Variants in DOT1L observed in about 807,000 individuals in gnomAD.
DOT1L encodes DOT1 like histone lysine methyltransferase, also known as histone-lysine N-methyltransferase, H3 lysine-79 specific.
DOT1L carries 33 observed loss-of-function variants against 153.3 expected under a neutral mutation model. The observed-to-expected ratio is 0.22, with a 90% CI of 0.16 to 0.29. The LOEUF is 0.29. DOT1L is among the 10% of genes least tolerant of loss of function. DOT1L has a pLI of 1.00. For missense variants in DOT1L, 1,847 were observed against 2,119.9 expected, an observed-to-expected ratio of 0.87 and a Z score of 2.53; for synonymous variants, 1,135 against 965.1, an observed-to-expected ratio of 1.18 and a Z score of -3.26.
chr19:2,192,686 A>G (rs1340013861), intron 5 of DOT1L, among the ~76,000 whole-genome samples: 1 of 151,678 alleles, frequency 6.6e-6, no homozygotes, highest in Admixed American at 6.6e-5. Flanking sequence ...AAAAAAAAAA[A>G]AAAAAATGGG....
intron 27 of DOT1L, chr19:2,228,213 C>T: frequency 1.5e-6 from 2 of 1,364,132 alleles, no homozygotes; most frequent in Non-Finnish European, 2.0e-6. Context: ...CCACCAGCCC[C>T]TGCCCCGGCT....
In DOT1L at chr19:2,216,749, A is replaced by G; in HGVS notation, c.2392A>G (p.Ser798Gly). The change falls in exon 20 of 28, where the codon AGT becomes GGT. Residue 798 changes from serine to glycine, a missense_variant. Ser to Gly is a moderately conservative substitution (Grantham distance 56). Transcript: ENST00000398665. ...DHTVPGRPAA[S>G]ELHSRAEHTK... is the part of the protein sequence containing the mutation. ...CACGGTGCCCGGCAGGCCGGCTGCCAGTGAGCTGCATTCGAGGTGAGTGCC... is the reference window on the plus strand; with the variant it reads ...CACGGTGCCCGGCAGGCCGGCTGCCGGTGAGCTGCATTCGAGGTGAGTGCC... 1.3e-6 allele frequency: 2 copies of G among 1,593,366 alleles called. No homozygotes were observed. Among genetic ancestry groups the G allele is most frequent in the African/African-American group, 1.3e-5 (1 of 74,926 alleles).
At chr19:2,170,391 C>G (rs2021548816) in intron 1 of DOT1L, among the ~76,000 whole-genome samples, 1 of 152,130 alleles carries the variant, frequency 6.6e-6, no homozygotes, top group Non-Finnish European at 1.5e-5. Context: ...CTGCTTGGAG[C>G]TGTTTTTATC....
Position 2,229,999 on chromosome 19 carries a change from A to G in DOT1L, c.*207A>G. 1.3e-6 allele frequency: 1 copy of G among 761,484 alleles called. No individual in the cohort carries two copies. Among genetic ancestry groups the G allele is most frequent in the Non-Finnish European group, 2.1e-6 (1 of 485,064 alleles). 47.2% of individuals were successfully genotyped at this position (761,484 alleles called of 1,614,324 possible). ...GTCGATAGTTTTAGATAAAGTATTT[A>G]TCATTTTTTAAAAAGTATAAACAAT... is the stretch of plus-strand genomic sequence containing the variant. On this transcript the variant is annotated 3_prime_UTR_variant, in exon 28 of 28. Coordinates refer to ENST00000398665, the MANE Select transcript of DOT1L (RefSeq NM_032482.3).
chr19:2,229,582 C>T, intron 27 of DOT1L: 1 of 985,482 alleles, frequency 1.0e-6, no homozygotes, highest in Non-Finnish European at 1.2e-6. Flanking sequence ...CCGGCGTGTC[C>T]AGGTGTCAGG....
Position 2,176,830 on chromosome 19 carries a change from C to T in DOT1L, c.82-3883C>T, listed in dbSNP as rs529453603. Among the ~76,000 whole-genome samples the T allele has an allele frequency of 1.6e-4, 24 of 152,278 alleles. 1 individual carries two copies. In the South Asian group the frequency reaches 1.9e-3, roughly 12 times the overall value. ...TCTGTCAGATGATCACTGGGGAAGA[C>T]GCTATGGACAGACAGGAACTTCTGG... On this transcript the variant is annotated intron_variant, in intron 1 of 27. Coordinates refer to ENST00000398665, the MANE Select transcript of DOT1L (RefSeq NM_032482.3).
chr19:2,175,051 T>G (rs1229040893), intron 1 of DOT1L, among the ~76,000 whole-genome samples: 1 of 150,436 alleles, frequency 6.6e-6, no homozygotes, highest in Non-Finnish European at 1.5e-5. Context: ...CAGGCTGGAG[T>G]GCAGTGGCGC....
chr19:2,219,525 G>C (rs149441670), intron 22 of DOT1L, among the ~76,000 whole-genome samples: 2 of 152,180 alleles, frequency 1.3e-5, no homozygotes, highest in Admixed American at 6.5e-5. Flanking sequence ...GATGGACCCC[G>C]GCTTGATTCC....
rs2144743194 is a variant in DOT1L, at chr19:2,191,319, AAG to A, written c.493+82_493+83del. On this transcript the variant is annotated intron_variant, in intron 5 of 27. Transcript: ENST00000398665. This position sits in a 1 kb window ranked among gnomAD's most constrained non-coding sequence, Gnocchi z 6.8. ...GTGCCTGCCCCATGCCTGCTTGGAG[AAG>A]AGTTTATCAGGGACTTGCGACGTTG... is the stretch of plus-strand genomic sequence containing the variant. 1 of 1,458,376 alleles carries A rather than the reference AAG, an allele frequency of 6.9e-7. No individual in the cohort carries two copies. Among genetic ancestry groups the A allele is most frequent in the East Asian group, 2.3e-5 (1 of 43,980 alleles). 90.3% of individuals were successfully genotyped at this position (1,458,376 alleles called of 1,614,324 possible).
At chr19:2,229,174 C>T in intron 27 of DOT1L, 5 of 985,448 alleles carry the variant, frequency 5.1e-6, no homozygotes, top group South Asian at 4.7e-5. Context: ...TGATGTGAGG[C>T]CTTCAGGGAA....
intron 16 of DOT1L, 120 bp downstream of exon 16, chr19:2,211,962 C>G: frequency 1.2e-6 from 1 of 850,794 alleles, no homozygotes; most frequent in Non-Finnish European, 1.8e-6. Context: ...GCTCCCTCCT[C>G]TGCTCACCTG....
chr19:2,199,063 C>T (rs1030694959), intron 7 of DOT1L, among the ~76,000 whole-genome samples: 1 of 152,212 alleles, frequency 6.6e-6, no homozygotes, highest in Non-Finnish European at 1.5e-5. Flanking sequence ...TTTATTTCTC[C>T]TGGGAATGGA....
intron 2 of DOT1L, 70 bp from the exon 3 acceptor site, chr19:2,185,781 AAAAC>A (rs950401129): frequency 1.2e-5 from 18 of 1,552,658 alleles, no homozygotes; most frequent in African/African-American, 2.7e-5. Flanking sequence ...AACAAAAACA[AAAAC>A]AAAAACAAAA....
intron 8 of DOT1L, among the ~76,000 whole-genome samples, chr19:2,200,820 TCTCGTCCTCCCCGCATTC>T (rs1213698806): frequency 3.7e-5 from 1 of 27,156 alleles, no homozygotes; most frequent in Non-Finnish European, 7.3e-5. Context: ...TCCCCACGCC[TCTCGTCCTCCCCGCATTC>T]CTCGTCCTCC....
intron 26 of DOT1L, 26 bp downstream of exon 26, chr19:2,225,478 G>C (rs780018817): frequency 3.8e-5 from 62 of 1,612,674 alleles, no homozygotes; most frequent in Non-Finnish European, 5.3e-5. Context: ...TTTGCGGCGT[G>C]GCCAGGCCTG....
chr19:2,225,491 C>G (rs369411182), intron 26 of DOT1L, 39 bp downstream of exon 26: 1 of 1,602,822 alleles, frequency 6.2e-7, no homozygotes, highest in African/African-American at 1.3e-5. Context: ...CAGGCCTGTC[C>G]GTGTGGCCGT....
chr19:2,191,231 T>C lies in DOT1L; in HGVS notation c.484T>C (p.Leu162=). The C allele has an allele frequency of 6.2e-7, 1 of 1,613,684 alleles. No homozygotes were observed. The highest frequency in any genetic ancestry group is 8.5e-7 in the Non-Finnish European group (1 of 1,179,968). Residue 162 remains leucine (L), a synonymous_variant, in exon 5 of 28, where the codon TTG becomes CTG. Coordinates refer to ENST00000398665, the MANE Select transcript of DOT1L (RefSeq NM_032482.3). This position sits in a 1 kb window ranked among gnomAD's most constrained non-coding sequence, Gnocchi z 6.8. ...GACCGACGACGACCTGTTTGTGGAC[T>C]TGGGGAGCGGTGAGTGTCGCCCGCC... The part of the protein sequence containing the change: ...KMTDDDLFVD[L]GSGVGQVVLQ...
intron 12 of DOT1L, 73 bp downstream of exon 12, chr19:2,209,049 C>T: frequency 6.5e-7 from 1 of 1,534,758 alleles, no homozygotes; most frequent in Non-Finnish European, 8.9e-7. Flanking sequence ...AAGCCGTGCG[C>T]AGCCGGGTTC....
intron 1 of DOT1L, 85 bp downstream of exon 1, chr19:2,164,350 G>T (rs1367474017): frequency 2.1e-6 from 2 of 965,768 alleles, no homozygotes; most frequent in Non-Finnish European, 2.7e-6. Flanking sequence ...CCCAAGCCGC[G>T]CTCACCGGTC....
Sources: allele counts gnomAD v4.1 joint callset (sites outside exome capture counted in the v4.1 genomes callset), GRCh38; gene constraint gnomAD v4.1.1; non-coding constraint Gnocchi (gnomAD v3.1); transcripts MANE v1.5; gene names NCBI Gene and HGNC (gene_info 2026-07-23, HGNC 2026-07-21).